Variants in NR3C2 observed in about 807,000 individuals in gnomAD.
NR3C2 encodes the protein nuclear receptor subfamily 3 group C member 2, also known as mineralocorticoid receptor.
NR3C2 carries 15 observed loss-of-function variants against 86.4 expected under a neutral mutation model. The ratio of observed to expected loss-of-function variants is 0.17; its 90% CI spans 0.12 to 0.27. The LOEUF (loss-of-function observed/expected upper bound fraction) is 0.27. Among genes scored for constraint, NR3C2 ranks in the 10% least tolerant of loss-of-function variants. NR3C2 has a pLI of 1.00. For missense variants in NR3C2, 960 were observed against 1,195.6 expected (o/e 0.80, Z 2.91); for synonymous variants, 458 against 450.5 (o/e 1.02, Z -0.21).
At chr4:148,129,304 T>C (rs1272488811) in intron 6 of NR3C2, among the ~76,000 whole-genome samples, 1 of 152,196 alleles carries the variant, frequency 6.6e-6, no homozygotes, top group Non-Finnish European at 1.5e-5. Flanking sequence ...TTATATGAGC[T>C]ATCTAAAGTA....
rs570887532 is a variant in NR3C2 at position 148,173,846 on chromosome 4, G to A, written c.2015-18945C>T. On this transcript the variant is annotated intron_variant, in intron 4 of 8. Transcript: ENST00000358102. ...GCAGAAACTGCTTCAGCACTGAAGCGAAGGAGCGTGGGCGGGAGGAGCCCC... is the reference window on the plus strand; with the variant it reads ...GCAGAAACTGCTTCAGCACTGAAGCAAAGGAGCGTGGGCGGGAGGAGCCCC... Among the ~76,000 whole-genome samples, 14 of 152,294 alleles carry A rather than the reference G, an allele frequency of 9.2e-5. No individual in the cohort carries two copies. The East Asian group carries it at 1.4e-3, about 15-fold the overall frequency.
intron 5 of NR3C2, 136 bp from the exon 6 acceptor site, chr4:148,152,749 C>A (rs750220526): frequency 4.9e-6 from 4 of 809,082 alleles, no homozygotes; most frequent in Non-Finnish European, 8.2e-6. Context: ...ATCAATTCAA[C>A]AGTCATTTAC....
chr4:148,443,900 A>G (rs1338687898), upstream of NR3C2: 1 of 715,348 alleles, frequency 1.4e-6, no homozygotes, highest in Admixed American at 6.3e-5. Context: ...CAGCCGCTCC[A>G]GTCAGGAACT....
At chr4:148,414,659 C>G (rs1748907344) in intron 2 of NR3C2, among the ~76,000 whole-genome samples, 1 of 152,146 alleles carries the variant, frequency 6.6e-6, no homozygotes, top group African/African-American at 2.4e-5. Context: ...ACCAGTTGGT[C>G]AGACTTAAAT....
chr4:148,412,249 A>G (rs187590521), intron 2 of NR3C2, among the ~76,000 whole-genome samples: 106 of 152,288 alleles, frequency 7.0e-4, no homozygotes, highest in African/African-American at 2.4e-3. Flanking sequence ...GGTGGCTTTC[A>G]TTCTTTGCAG....
At chr4:148,112,853 C>A (rs1278034896) in intron 8 of NR3C2, among the ~76,000 whole-genome samples, 1 of 151,986 alleles carries the variant, frequency 6.6e-6, no homozygotes, top group African/African-American at 2.4e-5. Context: ...CATAATAATA[C>A]CATTATAATA....
chr4:148,359,827 G>A (rs897314251), intron 2 of NR3C2, among the ~76,000 whole-genome samples: 3 of 152,156 alleles, frequency 2.0e-5, no homozygotes, highest in Non-Finnish European at 4.4e-5. Context: ...CTTAAGAATG[G>A]CAATGTAATG....
chr4:148,095,965 C>G (rs1344889923), intron 8 of NR3C2, among the ~76,000 whole-genome samples: 1 of 152,202 alleles, frequency 6.6e-6, no homozygotes, highest in Non-Finnish European at 1.5e-5. Context: ...TCACTGATCT[C>G]TGGTCAGGGG....
chr4:148,306,444 T>A (rs190849023), intron 2 of NR3C2, among the ~76,000 whole-genome samples: 123 of 152,358 alleles, frequency 8.1e-4, no homozygotes, highest in African/African-American at 2.9e-3. Context: ...TCCAGTATAT[T>A]CTTCCAACAT....
chr4:148,203,347 T>C (rs866567967), intron 3 of NR3C2, among the ~76,000 whole-genome samples: 9 of 152,220 alleles, frequency 5.9e-5, no homozygotes, highest in Middle Eastern at 6.8e-3. Flanking sequence ...TTATTTTCAG[T>C]ATCAAAAAGG....
At chr4:148,359,964 T>C (rs868208465) in intron 2 of NR3C2, among the ~76,000 whole-genome samples, 2 of 152,044 alleles carry the variant, frequency 1.3e-5, no homozygotes, top group Non-Finnish European at 2.9e-5. Context: ...TGGTGCATAG[T>C]GGTGGAGGAG....
intron 2 of NR3C2, among the ~76,000 whole-genome samples, chr4:148,288,376 C>T (rs919841218): frequency 6.6e-6 from 1 of 152,252 alleles, no homozygotes; most frequent in Non-Finnish European, 1.5e-5. Flanking sequence ...AGTACTAATT[C>T]TGCATGCCTA....
At chr4:148,322,886 G>A (rs1474589320) in intron 2 of NR3C2, among the ~76,000 whole-genome samples, 2 of 131,626 alleles carry the variant, frequency 1.5e-5, no homozygotes. Context: ...GCTCGTCAAA[G>A]TCATTCTCCA....
In NR3C2 at chr4:148,354,633, C is replaced by A. The variant is rs572355996; in HGVS notation, c.1757+80471G>T. 3.3e-5 allele frequency among the ~76,000 whole-genome samples: 5 copies of A among 152,096 alleles called. No homozygotes were observed. In the East Asian group the frequency reaches 9.6e-4, roughly 29 times the overall value. On this transcript the variant is annotated intron_variant, in intron 2 of 8. Transcript: ENST00000358102. ...AGGCATGTTTTTGTTCAGGCCTGTA[C>A]TAGATAGATATTCTAAAATAACAAG... is the stretch of plus-strand genomic sequence containing the variant.
intron 7 of NR3C2, among the ~76,000 whole-genome samples, chr4:148,115,070 C>T (rs979771266): frequency 2.6e-4 from 40 of 152,308 alleles, no homozygotes; most frequent in African/African-American, 8.9e-4. Context: ...TGGCTCTGCA[C>T]GCAAGGCAAA....
chr4:148,312,198 T>A (rs1157023594), intron 2 of NR3C2, among the ~76,000 whole-genome samples: 1 of 152,226 alleles, frequency 6.6e-6, no homozygotes, highest in African/African-American at 2.4e-5. Context: ...TATTAGCAAG[T>A]GTAGTCTGTA....
chr4:148,266,075 C>CTTTTTT (rs71594256), intron 2 of NR3C2, among the ~76,000 whole-genome samples: 1 of 134,892 alleles, frequency 7.4e-6, no homozygotes, highest in African/African-American at 2.7e-5. Flanking sequence ...CAGAAGGCCG[C>CTTTTTT]TTTTTTTTTT....
intron 2 of NR3C2, among the ~76,000 whole-genome samples, chr4:148,369,049 T>A (rs1172262465): frequency 1.3e-5 from 2 of 152,144 alleles, no homozygotes; most frequent in Non-Finnish European, 2.9e-5. Flanking sequence ...CTACATTCTG[T>A]AAAAAATAGA....
At chr4:148,270,303 G>A (rs1740615081) in intron 2 of NR3C2, among the ~76,000 whole-genome samples, 3 of 152,078 alleles carry the variant, frequency 2.0e-5, no homozygotes, top group Admixed American at 1.3e-4. Flanking sequence ...GATGCTGTGT[G>A]TGACTGAGAC....
Sources: gnomAD v4.1 joint callset for allele counts (sites outside exome capture counted in the v4.1 genomes callset) on GRCh38, gnomAD v4.1.1 for gene constraint, MANE v1.5 for transcripts, NCBI Gene and HGNC (gene_info 2026-07-23, HGNC 2026-07-21) for gene names.